Variants in SHROOM2 observed in about 807,000 individuals in gnomAD.
SHROOM2 encodes the protein protein Shroom2.
In SHROOM2, 33 loss-of-function variants were observed where a neutral mutation model predicts 75.9. The observed-to-expected ratio is 0.43, with a 90% CI of 0.33 to 0.58. The LOEUF is 0.58. Among genes scored for constraint, SHROOM2 ranks in the 20% least tolerant of loss-of-function variants. The probability of loss-of-function intolerance (pLI) is 0.04; values close to 1 mark genes in which losing one functional copy is unlikely to be tolerated. For synonymous variants in SHROOM2, 655 were observed against 663.6 expected (o/e 0.99, Z 0.20); for missense variants, 1,434 against 1,461.2 (o/e 0.98, Z 0.30).
intron 1 of SHROOM2, among the ~76,000 whole-genome samples, chrX:9,802,852 T>G (rs929196955): frequency 1.2e-4 from 13 of 110,266 alleles, no homozygotes; most frequent in Non-Finnish European, 2.3e-4. Flanking sequence ...GTGATCTGTC[T>G]GGATCATGCA....
At chrX:9,891,295 G>A (rs980545445) in intron 3 of SHROOM2, among the ~76,000 whole-genome samples, 187 bp downstream of exon 3, 5 of 112,241 alleles carry the variant, frequency 4.5e-5, no homozygotes, top group African/African-American at 1.6e-4. Context: ...GGCAAGACAA[G>A]GCATGAGCAA....
intron 7 of SHROOM2, among the ~76,000 whole-genome samples, chrX:9,938,176 A>G (rs2084734232): frequency 9.0e-6 from 1 of 111,608 alleles, no homozygotes; most frequent in Non-Finnish European, 1.9e-5. Context: ...ATGAAGGCTT[A>G]GATTGAATAT....
chrX:9,914,660 A>G (rs1337411298), intron 5 of SHROOM2, among the ~76,000 whole-genome samples: 1 of 111,773 alleles, frequency 8.9e-6, no homozygotes, highest in African/African-American at 3.3e-5. Context: ...CCGACACCTT[A>G]TTTAAAATTC....
intron 1 of SHROOM2, among the ~76,000 whole-genome samples, chrX:9,861,672 A>G (rs1569152307): frequency 8.9e-6 from 1 of 112,009 alleles, no homozygotes; most frequent in Non-Finnish European, 1.9e-5. Context: ...TATTTTCATA[A>G]TTGTTTCACT....
chrX:9,869,780 A>G, intron 1 of SHROOM2, among the ~76,000 whole-genome samples: 1 of 112,684 alleles, frequency 8.9e-6, no homozygotes, highest in Non-Finnish European at 1.9e-5. Flanking sequence ...CAAAAACAAA[A>G]TAAGGCTCTG....
chrX:9,931,905 A>G (rs1008377809), intron 5 of SHROOM2, among the ~76,000 whole-genome samples: 13 of 110,122 alleles, frequency 1.2e-4, no homozygotes, highest in African/African-American at 4.0e-4. Context: ...TTGTGTGTGT[A>G]TGTGTGTCTG....
chrX:9,819,707 C>A (rs190992460), intron 1 of SHROOM2, among the ~76,000 whole-genome samples: 1 of 111,337 alleles, frequency 9.0e-6, no homozygotes, highest in East Asian at 2.8e-4. Context: ...TGCTCTCCCA[C>A]GCTTGAAAAG....
Position 9,842,184 on chromosome X carries a change from C to A in SHROOM2, c.166-31468C>A, listed in dbSNP as rs1055402112. On this transcript the variant is annotated intron_variant, in intron 1 of 9. Transcript: ENST00000380913. The stretch of plus-strand genomic sequence containing the variant: ...TTTTCATTTATAACTTCCTGAGATT[C>A]ATTTCTTTTAATACTCGTTAAGGCA... Among the ~76,000 whole-genome samples, 3 of 112,406 alleles carry A rather than the reference C, an allele frequency of 2.7e-5. No homozygotes were observed. The Admixed American group carries it at 2.8e-4, about 11-fold the overall frequency.
chrX:9,802,082 C>T (rs1169221465), intron 1 of SHROOM2, among the ~76,000 whole-genome samples: 3 of 110,748 alleles, frequency 2.7e-5, no homozygotes, highest in Non-Finnish European at 5.7e-5. Context: ...TGGACAGCTC[C>T]GTTTTAGCCT....
chrX:9,847,764 G>T (rs1322262175), intron 1 of SHROOM2, among the ~76,000 whole-genome samples: 1 of 110,948 alleles, frequency 9.0e-6, no homozygotes, highest in Non-Finnish European at 1.9e-5. Flanking sequence ...CTTGTGCTGA[G>T]TTACATGTGG....
chrX:9,805,561 C>T (rs911831640), intron 1 of SHROOM2, among the ~76,000 whole-genome samples: 2 of 111,335 alleles, frequency 1.8e-5, no homozygotes, highest in Non-Finnish European at 1.9e-5. Context: ...CATGGTGAAA[C>T]CCTGTCTCTA....
intron 1 of SHROOM2, among the ~76,000 whole-genome samples, chrX:9,841,853 G>T (rs985429927): frequency 9.0e-6 from 1 of 111,219 alleles, no homozygotes; most frequent in Non-Finnish European, 1.9e-5. Context: ...ACCAGCCTGG[G>T]CAACATAGGG....
At chrX:9,925,926 G>T (rs987589749) in intron 5 of SHROOM2, among the ~76,000 whole-genome samples, 7 of 111,484 alleles carry the variant, frequency 6.3e-5, no homozygotes, top group African/African-American at 2.0e-4. Flanking sequence ...CGGCTGCAGG[G>T]GTGCCCTTCC....
At chrX:9,909,015 C>CA (rs1303556445) in intron 5 of SHROOM2, among the ~76,000 whole-genome samples, 1 of 109,726 alleles carries the variant, frequency 9.1e-6, no homozygotes, top group Non-Finnish European at 1.9e-5. Flanking sequence ...GCACAGCCAG[C>CA]ATGCAGAACT....
At chrX:9,898,723 G>C (rs750196168) in intron 5 of SHROOM2, among the ~76,000 whole-genome samples, 2 of 112,059 alleles carry the variant, frequency 1.8e-5, no homozygotes, top group South Asian at 7.4e-4. Context: ...TGCCTCTAAG[G>C]ATTGTTAGTA....
rs1003840161 is a variant in SHROOM2, at chrX:9,852,469, G to A, written c.166-21183G>A. ...TGCCATCACCTTGAAGGTCTGCTCC[G>A]AGCTGGGTCTACCAAAGGCTTTCTC... On this transcript the variant is annotated intron_variant, in intron 1 of 9. Coordinates refer to ENST00000380913, the MANE Select transcript of SHROOM2 (RefSeq NM_001649.4). Among the ~76,000 whole-genome samples, 3 of 112,018 alleles carry A rather than the reference G, an allele frequency of 2.7e-5. No homozygotes were observed. In the Admixed American group the frequency reaches 2.8e-4, roughly 11 times the overall value.
intron 1 of SHROOM2, among the ~76,000 whole-genome samples, chrX:9,838,786 C>T (rs1243919880): frequency 2.7e-5 from 3 of 111,754 alleles, no homozygotes; most frequent in Non-Finnish European, 5.6e-5. Flanking sequence ...CTCTGGGCCA[C>T]CTTCAGAGGT....
intron 1 of SHROOM2, among the ~76,000 whole-genome samples, chrX:9,816,152 G>A (rs2083820390): frequency 8.9e-6 from 1 of 112,366 alleles, no homozygotes; most frequent in African/African-American, 3.2e-5. Flanking sequence ...TTGTCCTATG[G>A]GAATGGACTG....
intron 2 of SHROOM2, among the ~76,000 whole-genome samples, chrX:9,877,781 G>A (rs745337177): frequency 9.6e-6 from 1 of 104,469 alleles, no homozygotes; most frequent in East Asian, 3.3e-4. Flanking sequence ...CATTAACTTA[G>A]CCCAGTTGGG....
Sources: gnomAD v4.1 joint callset for allele counts (sites outside exome capture counted in the v4.1 genomes callset) on GRCh38, gnomAD v4.1.1 for gene constraint, MANE v1.5 for transcripts, NCBI Gene and HGNC (gene_info 2026-07-23, HGNC 2026-07-21) for gene names.